The following DCC variants were observed in gnomAD, a reference collection of about 807,000 sequenced individuals.
The protein encoded by DCC is netrin receptor DCC.
DCC carries 58 observed loss-of-function variants against 172.5 expected under a neutral mutation model. The ratio of observed to expected loss-of-function variants is 0.34; its 90% CI spans 0.27 to 0.42. DCC has a LOEUF of 0.42. DCC is among the 10% of genes least tolerant of loss of function. DCC has a pLI of 1.00. For synonymous variants in DCC, 709 were observed against 644.5 expected, an observed-to-expected ratio of 1.10 and a Z score of -1.52; for missense variants, 1,740 against 1,791.0, an observed-to-expected ratio of 0.97 and a Z score of 0.51.
intron 1 of DCC, among the ~76,000 whole-genome samples, chr18:52,372,675 G>A (rs1198830382): frequency 6.6e-6 from 1 of 152,118 alleles, no homozygotes; most frequent in Non-Finnish European, 1.5e-5. Flanking sequence ...ATGGATGTGA[G>A]CACAGATATG....
At chr18:53,292,408 C>T (rs183832700) in intron 12 of DCC, among the ~76,000 whole-genome samples, 9 of 152,272 alleles carry the variant, frequency 5.9e-5, no homozygotes, top group African/African-American at 2.2e-4. Flanking sequence ...CCACCTCAGC[C>T]AGGCATGGTG....
intron 7 of DCC, among the ~76,000 whole-genome samples, chr18:53,117,294 G>A (rs1417766995): frequency 6.6e-6 from 1 of 151,622 alleles, no homozygotes; most frequent in African/African-American, 2.4e-5. Context: ...AATATTTGAT[G>A]GTTTTTGACC....
chr18:53,197,637 T>C (rs938686614), intron 9 of DCC, among the ~76,000 whole-genome samples: 1 of 152,048 alleles, frequency 6.6e-6, no homozygotes, highest in East Asian at 1.9e-4. Context: ...ATTAGGAAGA[T>C]AGTGGCATGC....
At chr18:53,111,046 A>G (rs2043322587) in intron 7 of DCC, among the ~76,000 whole-genome samples, 1 of 144,468 alleles carries the variant, frequency 6.9e-6, no homozygotes, top group African/African-American at 2.6e-5. Flanking sequence ...TGGCACATAT[A>G]CACCATGGAA....
intron 13 of DCC, among the ~76,000 whole-genome samples, chr18:53,310,868 C>T (rs1034864961): frequency 1.8e-4 from 27 of 152,100 alleles, no homozygotes; most frequent in African/African-American, 6.5e-4. Flanking sequence ...GGACACTTAG[C>T]ATTCAGGATA....
intron 7 of DCC, among the ~76,000 whole-genome samples, chr18:53,098,073 A>G (rs1465948531): frequency 2.0e-5 from 3 of 152,124 alleles, no homozygotes; most frequent in Admixed American, 6.6e-5. Context: ...GACTTCCTAC[A>G]GAGTACATTG....
chr18:52,515,444 A>AAAAATAC (rs2031595550), intron 1 of DCC, among the ~76,000 whole-genome samples: 1 of 150,998 alleles, frequency 6.6e-6, no homozygotes, highest in Non-Finnish European at 1.5e-5. Context: ...TGTCTCTACT[A>AAAAATAC]AAAATACAAA....
chr18:53,425,105 CTT>C (rs550281346), intron 21 of DCC, among the ~76,000 whole-genome samples: 1 of 148,010 alleles, frequency 6.8e-6, no homozygotes. Flanking sequence ...TTTTCTTGGC[CTT>C]TTTTTTTTCT....
chr18:53,467,344 T>G (rs1159916783), intron 24 of DCC, among the ~76,000 whole-genome samples: 9 of 152,154 alleles, frequency 5.9e-5, no homozygotes, highest in African/African-American at 1.9e-4. Context: ...CTCTTTAGTA[T>G]GATATTTTAT....
intron 5 of DCC, among the ~76,000 whole-genome samples, chr18:53,013,748 C>T (rs1015663638): frequency 1.3e-5 from 2 of 151,838 alleles, no homozygotes; most frequent in African/African-American, 4.8e-5. Flanking sequence ...CCTGACTACC[C>T]CTGCTTTTCT....
intron 1 of DCC, among the ~76,000 whole-genome samples, chr18:52,565,636 C>T (rs1042991577): frequency 1.3e-5 from 2 of 152,128 alleles, no homozygotes; most frequent in Admixed American, 6.6e-5. Context: ...GCAAAAATGT[C>T]TTCTTTTGAG....
At chr18:53,040,840 A>G (rs73958669) in intron 5 of DCC, among the ~76,000 whole-genome samples, 6,019 of 152,000 alleles carry the variant, frequency 0.04, 373 homozygotes, top group African/African-American at 0.13. Context: ...CAAATGTGGA[A>G]CCACTGAGAC....
intron 5 of DCC, among the ~76,000 whole-genome samples, chr18:53,042,477 G>A (rs1346723279): frequency 1.4e-4 from 21 of 151,774 alleles, no homozygotes; most frequent in Admixed American, 1.4e-3. Context: ...TCTTTTTGTT[G>A]TATCTCTGCC....
At chr18:52,861,422 G>C (rs2039140701) in intron 2 of DCC, among the ~76,000 whole-genome samples, 1 of 152,172 alleles carries the variant, frequency 6.6e-6, no homozygotes, top group Admixed American at 6.5e-5. Flanking sequence ...CCACAAGTGT[G>C]TCCTCTTACA....
At chr18:52,815,449 A>C in intron 2 of DCC, among the ~76,000 whole-genome samples, 1 of 149,542 alleles carries the variant, frequency 6.7e-6, no homozygotes. Context: ...TTCTCTCTCC[A>C]CGTCCCACCA....
chr18:53,334,565 A>G (rs1229801543), intron 14 of DCC, among the ~76,000 whole-genome samples: 4 of 152,152 alleles, frequency 2.6e-5, no homozygotes, highest in Non-Finnish European at 4.4e-5. Context: ...TGCTGTACCC[A>G]TTAAATAATA....
At chr18:53,037,522 G>T (rs556553356) in intron 5 of DCC, among the ~76,000 whole-genome samples, 2 of 151,784 alleles carry the variant, frequency 1.3e-5, no homozygotes, top group African/African-American at 2.4e-5. Flanking sequence ...TCTTGGTCCC[G>T]CAAGAGCCTC....
intron 5 of DCC, among the ~76,000 whole-genome samples, chr18:52,957,769 G>T (rs185081041): frequency 1.3e-5 from 2 of 152,198 alleles, no homozygotes; most frequent in Admixed American, 1.3e-4. Flanking sequence ...CTCCATGTGC[G>T]AAGAACTCAA....
chr18:52,655,672 G>C (rs2035230030), intron 1 of DCC, among the ~76,000 whole-genome samples: 1 of 151,784 alleles, frequency 6.6e-6, no homozygotes, highest in Non-Finnish European at 1.5e-5. Context: ...TATTTTAAAG[G>C]ACATAGGCAG....
Sources: gnomAD v4.1 joint callset for allele counts (sites outside exome capture counted in the v4.1 genomes callset) on GRCh38, gnomAD v4.1.1 for gene constraint, MANE v1.5 for transcripts, NCBI Gene and HGNC (gene_info 2026-07-23, HGNC 2026-07-21) for gene names.